The following CCDC66 variants were observed in gnomAD, a reference collection of about 807,000 sequenced individuals.
The protein encoded by CCDC66 is coiled-coil domain containing 66.
In CCDC66, 133 loss-of-function variants were observed where a neutral mutation model predicts 128.3. The ratio of observed to expected loss-of-function variants is 1.04; its 90% confidence interval spans 0.90 to 1.20. CCDC66 has a LOEUF of 1.20. CCDC66 is among the 50% of genes most tolerant of loss of function. The pLI, the probability that CCDC66 is intolerant of heterozygous loss-of-function variation, is 0.00. For synonymous variants in CCDC66, 387 were observed against 357.0 expected, an observed-to-expected ratio of 1.08 and a Z score of -0.95; for missense variants, 1,126 against 1,075.5, an observed-to-expected ratio of 1.05 and a Z score of -0.66.
At position 56,616,001 on chromosome 3, in the gene CCDC66, GAATA is replaced by G. The variant is rs1225459849; in HGVS notation, c.1792_1795del (p.Asn598HisfsTer3). The G allele has an allele frequency of 1.3e-6, 2 of 1,587,656 alleles. No homozygotes were observed. The highest frequency in any genetic ancestry group is 1.7e-6 in the Non-Finnish European group (2 of 1,170,556). The stretch of plus-strand genomic sequence containing the variant: ...ATTCTGATGAAATCAGTGGTAAAAT[GAATA>G]CATATATGAATTCTACGACTTCTAA... On this transcript the variant is annotated frameshift_variant, in exon 13 of 18. Coordinates refer to ENST00000394672, the MANE Select transcript of CCDC66 (RefSeq NM_001141947.3). LOFTEE classifies it high-confidence loss of function.
At chr3:56,600,521 G>A (rs1435775412) in intron 10 of CCDC66, among the ~76,000 whole-genome samples, 1 of 151,920 alleles carries the variant, frequency 6.6e-6, no homozygotes, top group Non-Finnish European at 1.5e-5. Flanking sequence ...GGGTCGAATG[G>A]TAGTTCTGGT....
chr3:56,596,367 A>G (rs904365926), intron 10 of CCDC66, among the ~76,000 whole-genome samples: 6 of 151,996 alleles, frequency 3.9e-5, no homozygotes, highest in African/African-American at 1.5e-4. Context: ...AATGTTTATT[A>G]ATGTTCTTTG....
At chr3:56,566,145 A>G (rs2065828204) in intron 4 of CCDC66, among the ~76,000 whole-genome samples, 2 of 37,076 alleles carry the variant, frequency 5.4e-5, no homozygotes, top group Non-Finnish European at 1.9e-4. Flanking sequence ...TGTTTTTTTG[A>G]GACGACATCT....
At chr3:56,612,390 C>T (rs115127249) in intron 10 of CCDC66, among the ~76,000 whole-genome samples, 1,645 of 152,228 alleles carry the variant, frequency 0.011, 30 homozygotes, top group African/African-American at 0.037. Flanking sequence ...ATGGACCAGT[C>T]GTTAGGTTGC....
rs565885609 is a variant in CCDC66, at chr3:56,602,627, G to A, written c.1404+8599G>A. On this transcript the variant is annotated intron_variant, in intron 10 of 17. Coordinates refer to ENST00000394672, the MANE Select transcript of CCDC66 (RefSeq NM_001141947.3). ...GTCCTGGACTTCTTTTGGTTGGTAGGCTATTAATTATTGCCTCAATTTCAG... is the reference window on the plus strand; with the variant it reads ...GTCCTGGACTTCTTTTGGTTGGTAGACTATTAATTATTGCCTCAATTTCAG... 7.2e-5 allele frequency among the ~76,000 whole-genome samples: 11 copies of A among 151,944 alleles called. No homozygotes were observed. The East Asian group carries it at 1.4e-3, about 19-fold the overall frequency.
rs1343914485 is a variant in CCDC66 at position 56,573,727 on chromosome 3, G to A, written c.936+2425G>A. On this transcript the variant is annotated intron_variant, in intron 7 of 17. Transcript: ENST00000394672. ...GGGCTGGTTTCTGTTTAGCCCTTAG[G>A]CTAAATAGTGGTTAGCCAGGGAGGG... is the stretch of plus-strand genomic sequence containing the variant. Among the ~76,000 whole-genome samples, 1,010 of 151,472 alleles carry A rather than the reference G, an allele frequency of 6.7e-3. 30 individuals carry two copies. The East Asian group carries it at 0.068, about 10-fold the overall frequency.
intron 12 of CCDC66, 53 bp from the exon 13 acceptor site, chr3:56,615,869 T>C (rs2075427865): frequency 5.4e-6 from 8 of 1,471,442 alleles, no homozygotes; most frequent in African/African-American, 1.4e-5. Context: ...CTATACATAA[T>C]TTTTATTAAT....
At chr3:56,567,980 A>G (rs4974222) in intron 6 of CCDC66, among the ~76,000 whole-genome samples, 116,234 of 151,978 alleles carry the variant, frequency 0.76, 45,356 homozygotes, top group Non-Finnish European at 0.86. Context: ...GTGAGCCACC[A>G]CGCCCGGCCA....
chr3:56,559,045 T>C (rs536385457), intron 2 of CCDC66, 135 bp downstream of exon 2: 3 of 655,928 alleles, frequency 4.6e-6, no homozygotes, highest in Admixed American at 3.1e-5. Context: ...TCCTCAAACT[T>C]CTGCAGATTT....
At position 56,597,629 on chromosome 3, in the gene CCDC66, A is replaced by G. The variant is rs1193524737; in HGVS notation, c.1404+3601A>G. On this transcript the variant is annotated intron_variant, in intron 10 of 17. Transcript: ENST00000394672. ...ATTCCTAGATATTTTATTGTTTTGT[A>G]GCTATTGTAGGTGGGATTGCCTTCT... Among the ~76,000 whole-genome samples the G allele has an allele frequency of 2.0e-5, 3 of 151,646 alleles. 1 individual carries two copies. Among genetic ancestry groups the G allele is most frequent in the African/African-American group, 7.3e-5 (3 of 41,178 alleles).
intron 10 of CCDC66, among the ~76,000 whole-genome samples, chr3:56,595,271 T>C (rs34720351): frequency 0.033 from 5,095 of 152,306 alleles, 114 homozygotes; most frequent in Middle Eastern, 0.078. Flanking sequence ...ACTAGCCAAT[T>C]TGAAATATAT....
At chr3:56,574,479 AC>A (rs771521361) in intron 7 of CCDC66, among the ~76,000 whole-genome samples, 1 of 151,960 alleles carries the variant, frequency 6.6e-6, no homozygotes, top group South Asian at 2.1e-4. Context: ...CTTCTCAAAT[AC>A]CTTAGAGCAG....
At chr3:56,565,724 T>TG (rs2065745087) in intron 4 of CCDC66, among the ~76,000 whole-genome samples, 1 of 151,468 alleles carries the variant, frequency 6.6e-6, no homozygotes, top group Non-Finnish European at 1.5e-5. Flanking sequence ...TGGAGTGCAG[T>TG]GGTGCGATCT....
Position 56,619,465 on chromosome 3 carries a change from T to G in CCDC66, c.2573T>G (p.Leu858Arg). ...PYVRTNEIYY[L>R]DPDAPLSGPS... ...GTTCGAACAAATGAGATCTATTACC[T>G]TGATCCCGATGCACCATTGTCTGGG... The change falls in exon 16 of 18, where the codon CTT (leucine) becomes CGT (arginine). Residue 858 changes from leucine (L) to arginine (R), a missense_variant. Coordinates refer to ENST00000394672, the MANE Select transcript of CCDC66 (RefSeq NM_001141947.3). 1 of 1,614,102 alleles carries G rather than the reference T, an allele frequency of 6.2e-7. No homozygotes were observed. The highest frequency in any genetic ancestry group is 8.5e-7 in the Non-Finnish European group (1 of 1,179,984).
chr3:56,589,514 C>A (rs1257279022), intron 7 of CCDC66, among the ~76,000 whole-genome samples: 2 of 152,012 alleles, frequency 1.3e-5, no homozygotes, highest in Non-Finnish European at 2.9e-5. Flanking sequence ...TGGGTCTATT[C>A]AATGAATGAA....
rs1264944789 is a variant in CCDC66, at chr3:56,563,997, A to G, written c.416A>G (p.His139Arg). ...LVGKQKPHKKHITAENMKSSL... is the reference protein window; with the variant it reads ...LVGKQKPHKKRITAENMKSSL... ...GGTAAACAGAAGCCTCACAAAAAAC[A>G]CATCACAGCTGAAAACATGAAGAGC... The change falls in exon 4 of 18, where the codon CAC (histidine) becomes CGC (arginine). Residue 139 changes from histidine (H) to arginine (R), a missense_variant. Coordinates refer to ENST00000394672, the MANE Select transcript of CCDC66 (RefSeq NM_001141947.3). The G allele has an allele frequency of 2.5e-6, 4 of 1,613,932 alleles. No homozygotes were observed. In the South Asian group the frequency reaches 3.3e-5, roughly 13 times the overall value.
chr3:56,592,884 G>C, intron 7 of CCDC66, 86 bp from the exon 8 acceptor site: 1 of 1,407,006 alleles, frequency 7.1e-7, no homozygotes, highest in Non-Finnish European at 9.8e-7. Context: ...GATTAAATCT[G>C]TATGTTACTT....
At chr3:56,594,155 C>A in intron 10 of CCDC66, 127 bp downstream of exon 10, 1 of 794,900 alleles carries the variant, frequency 1.3e-6, no homozygotes, top group African/African-American at 1.7e-5. Context: ...AGTTGTGTCA[C>A]GAATCCAATC....
In CCDC66 at chr3:56,617,254, A is replaced by C. The variant is rs543415141; in HGVS notation, c.1986A>C (p.Leu662=). ...GCACCAAGAAAAACAAGCAAGAACT[A>C]ACTCAGGATAAAGGAGCCAGCTTAG... ...QFSTKKNKQE[L]TQDKGASLEK... is the part of the protein sequence containing the mutation. The change falls in exon 14 of 18, where the codon CTA becomes CTC. Residue 662 remains leucine, a synonymous_variant. Coordinates refer to ENST00000394672, the MANE Select transcript of CCDC66 (RefSeq NM_001141947.3). The C allele has an allele frequency of 5.0e-6, 8 of 1,614,090 alleles. No individual in the cohort carries two copies. The East Asian group carries it at 1.6e-4, about 31-fold the overall frequency.
Sources: gnomAD v4.1 joint callset for allele counts (sites outside exome capture counted in the v4.1 genomes callset) on GRCh38, gnomAD v4.1.1 for gene constraint, MANE v1.5 for transcripts, NCBI Gene and HGNC (gene_info 2026-07-23, HGNC 2026-07-21) for gene names.